SUGCT: variants seen among roughly 807,000 people sequenced by gnomAD.
The protein encoded by SUGCT is succinyl-CoA:glutarate-CoA transferase.
Under a neutral mutation model 55.0 loss-of-function variants are expected in SUGCT, and 41 were observed. That is an observed-to-expected ratio of 0.74 (90% CI 0.58 to 0.97). The LOEUF (loss-of-function observed/expected upper bound fraction) is 0.97, where lower values mean the gene tolerates loss of function less well. SUGCT is among the 50% of genes least tolerant of loss of function. The pLI, the probability that SUGCT is intolerant of heterozygous loss-of-function variation, is 0.00. For missense variants in SUGCT, 568 were observed against 547.8 expected (o/e 1.04, Z -0.37); for synonymous variants, 187 against 200.4 (o/e 0.93, Z 0.56).
the SUGCT span, among the ~76,000 whole-genome samples, chr7:40,991,995 G>T: frequency 6.6e-6 from 1 of 152,068 alleles, no homozygotes; most frequent in Non-Finnish European, 1.5e-5. Context: ...CTTGCTGCAA[G>T]AAAGAATTCA....
At chr7:40,306,429 C>T (rs959936610) in intron 8 of SUGCT, among the ~76,000 whole-genome samples, 15 of 152,114 alleles carry the variant, frequency 9.9e-5, no homozygotes, top group Admixed American at 9.2e-4. Context: ...ATTAACCTTT[C>T]TGAGAGATGA....
intron 9 of SUGCT, among the ~76,000 whole-genome samples, chr7:40,370,058 T>A (rs1393298886): frequency 6.6e-6 from 1 of 152,132 alleles, no homozygotes; most frequent in Non-Finnish European, 1.5e-5. Flanking sequence ...GTATGTTGGA[T>A]CCTTGGTTTA....
At chr7:40,365,927 T>A (rs1006195615) in intron 9 of SUGCT, among the ~76,000 whole-genome samples, 7 of 152,186 alleles carry the variant, frequency 4.6e-5, no homozygotes, top group African/African-American at 1.4e-4. Flanking sequence ...AAAATTCATA[T>A]GGAACCAAAA....
At chr7:40,903,757 C>T in the SUGCT span, among the ~76,000 whole-genome samples, 3 of 152,254 alleles carry the variant, frequency 2.0e-5, no homozygotes, top group Admixed American at 2.0e-4. Context: ...TCTCTCCAGC[C>T]TTCATTTCCA....
intron 12 of SUGCT, among the ~76,000 whole-genome samples, chr7:40,657,625 C>T (rs1418998354): frequency 6.6e-6 from 1 of 152,084 alleles, no homozygotes. Context: ...ACCTCTGCCT[C>T]CCGGGTTCAA....
rs548094863 is a variant in SUGCT at position 40,228,825 on chromosome 7, C to A, written c.485-8810C>A. The stretch of plus-strand genomic sequence containing the variant: ...CAATTGCCATAATAATGAATTTTCC[C>A]CTAGGCTTTACCAGTGATGGCTATT... On this transcript the variant is annotated intron_variant, in intron 6 of 13. Transcript: ENST00000335693. Among the ~76,000 whole-genome samples, 13 of 152,196 alleles carry A rather than the reference C, an allele frequency of 8.5e-5. No individual in the cohort carries two copies. In the South Asian group the frequency reaches 2.5e-3, roughly 29 times the overall value.
intron 1 of SUGCT, among the ~76,000 whole-genome samples, chr7:40,140,104 A>G (rs1180273705): frequency 1.3e-5 from 2 of 152,016 alleles, no homozygotes; most frequent in East Asian, 3.9e-4. Context: ...GGGTTTCTCC[A>G]TGTTGGTCAG....
In SUGCT at chr7:40,643,937, A is replaced by G. The variant is rs559938631; in HGVS notation, c.1090-105497A>G. Among the ~76,000 whole-genome samples, 10 of 152,276 alleles carry G rather than the reference A, an allele frequency of 6.6e-5. No individual in the cohort carries two copies. In the South Asian group the frequency reaches 8.3e-4, roughly 13 times the overall value. ...AGCCCAGTTTGCCTGCGGGCAGGACATGTTCTTCTTTCCCTTTGTGCTAAT... is the reference window on the plus strand; with the variant it reads ...AGCCCAGTTTGCCTGCGGGCAGGACGTGTTCTTCTTTCCCTTTGTGCTAAT... On this transcript the variant is annotated intron_variant, in intron 12 of 13. Transcript: ENST00000335693.
At chr7:40,364,148 T>C (rs901971224) in intron 9 of SUGCT, among the ~76,000 whole-genome samples, 9 of 151,932 alleles carry the variant, frequency 5.9e-5, no homozygotes, top group African/African-American at 2.2e-4. Context: ...CCTGCCTTTT[T>C]TTGTTTTCCA....
chr7:40,878,685 GTT>G, the SUGCT span, among the ~76,000 whole-genome samples: 1 of 152,070 alleles, frequency 6.6e-6, no homozygotes, highest in African/African-American at 2.4e-5. Context: ...ATGTGGTAAA[GTT>G]CTCGGCTTTA....
At chr7:40,695,221 A>T (rs1784874019) in intron 12 of SUGCT, among the ~76,000 whole-genome samples, 1 of 111,476 alleles carries the variant, frequency 9.0e-6, no homozygotes, top group African/African-American at 3.4e-5. Context: ...ATTTATTTTG[A>T]GACAGGGTCT....
intron 13 of SUGCT, among the ~76,000 whole-genome samples, chr7:40,772,388 G>A (rs1789151134): frequency 6.6e-6 from 1 of 152,040 alleles, no homozygotes; most frequent in Non-Finnish European, 1.5e-5. Flanking sequence ...AGAGTTCCAT[G>A]TTTGAGCTCA....
chr7:40,393,563 G>T (rs981753161), intron 9 of SUGCT, among the ~76,000 whole-genome samples: 1 of 152,086 alleles, frequency 6.6e-6, no homozygotes, highest in Non-Finnish European at 1.5e-5. Context: ...GGAGTTTTTT[G>T]GGGGGTTGAG....
At chr7:40,191,140 C>T (rs974395921) in intron 5 of SUGCT, among the ~76,000 whole-genome samples, 2 of 152,068 alleles carry the variant, frequency 1.3e-5, no homozygotes, top group South Asian at 2.1e-4. Flanking sequence ...TCTCAGCCTG[C>T]GGAGTAGCTG....
At chr7:40,975,795 T>G in the SUGCT span, among the ~76,000 whole-genome samples, 1 of 152,232 alleles carries the variant, frequency 6.6e-6, no homozygotes, top group Non-Finnish European at 1.5e-5. Flanking sequence ...GGGTTTAGAA[T>G]GTGTGTTGAA....
At chr7:40,374,537 A>C (rs1784448975) in intron 9 of SUGCT, among the ~76,000 whole-genome samples, 1 of 152,204 alleles carries the variant, frequency 6.6e-6, no homozygotes, top group Non-Finnish European at 1.5e-5. Context: ...AGACAGAGGA[A>C]AGGTAAAATC....
At chr7:40,181,875 G>T in intron 2 of SUGCT, 80 bp from the exon 3 acceptor site, 1 of 897,766 alleles carries the variant, frequency 1.1e-6, no homozygotes, top group Non-Finnish European at 1.8e-6. Context: ...GCGTGTCTGT[G>T]TTGACGGGTT....
chr7:40,286,864 G>A (rs1793380963), intron 8 of SUGCT, among the ~76,000 whole-genome samples: 3 of 152,058 alleles, frequency 2.0e-5, no homozygotes, highest in Non-Finnish European at 4.4e-5. Context: ...GACTTTCTTG[G>A]CAGGACATTG....
intron 9 of SUGCT, among the ~76,000 whole-genome samples, chr7:40,443,188 T>C (rs1788615399): frequency 6.6e-6 from 1 of 152,220 alleles, no homozygotes. Context: ...AACATACGTG[T>C]GCACGTGTCT....
Sources: allele counts gnomAD v4.1 joint callset (sites outside exome capture counted in the v4.1 genomes callset), GRCh38; gene constraint gnomAD v4.1.1; transcripts MANE v1.5; gene names NCBI Gene and HGNC (gene_info 2026-07-23, HGNC 2026-07-21).